SPOCK1: variants seen among roughly 807,000 people sequenced by gnomAD.
The protein encoded by SPOCK1 is testican-1.
In SPOCK1, 23 loss-of-function variants were observed where a neutral mutation model predicts 55.3. The ratio of observed to expected loss-of-function variants is 0.42; its 90% CI spans 0.30 to 0.59. The LOEUF (loss-of-function observed/expected upper bound fraction) is 0.59, where lower values mean the gene tolerates loss of function less well. Ranked by LOEUF, SPOCK1 falls within the 20% of genes least tolerant of loss-of-function variation. The probability of loss-of-function intolerance (pLI) is 0.22; values close to 1 mark genes in which losing one functional copy is unlikely to be tolerated. For missense variants in SPOCK1, 499 were observed against 552.5 expected, an observed-to-expected ratio of 0.90 and a Z score of 0.97; for synonymous variants, 226 against 221.0, an observed-to-expected ratio of 1.02 and a Z score of -0.20.
At chr5:137,131,989 A>AATATATATATATATAT (rs869252723) in intron 4 of SPOCK1, among the ~76,000 whole-genome samples, 1 of 36,056 alleles carries the variant, frequency 2.8e-5, no homozygotes, top group African/African-American at 1.8e-4. Context: ...AAAAAAAAAA[A>AATATATATATATATAT]ATATATATAT....
intron 2 of SPOCK1, among the ~76,000 whole-genome samples, chr5:137,472,430 T>C (rs1260534228): frequency 1.3e-5 from 2 of 152,110 alleles, no homozygotes; most frequent in Non-Finnish European, 2.9e-5. Flanking sequence ...CACATGTTTT[T>C]CCTATCAGGA....
chr5:136,999,146 A>G (rs1343619747), intron 6 of SPOCK1, among the ~76,000 whole-genome samples: 1 of 152,176 alleles, frequency 6.6e-6, no homozygotes, highest in Non-Finnish European at 1.5e-5. Flanking sequence ...CAGCATGAGG[A>G]ACGCAGCTGA....
rs575293587 is a variant in SPOCK1, at chr5:137,239,843, A to G, written c.232+27167T>C. Among the ~76,000 whole-genome samples, 4 of 152,346 alleles carry G rather than the reference A, an allele frequency of 2.6e-5. No individual in the cohort carries two copies. In the South Asian group the frequency reaches 6.2e-4, roughly 24 times the overall value. On this transcript the variant is annotated intron_variant, in intron 3 of 10. Transcript: ENST00000394945. ...CTAGGAAAAGCCTAAAAAGGTATAA[A>G]AATGGTAAGAAGCACTTAAATCTAG...
intron 5 of SPOCK1, among the ~76,000 whole-genome samples, chr5:137,111,939 G>T (rs1228511465): frequency 1.3e-5 from 2 of 151,920 alleles, no homozygotes; most frequent in Non-Finnish European, 2.9e-5. Context: ...AATCCCTGAG[G>T]CACCCCCAGA....
intron 2 of SPOCK1, among the ~76,000 whole-genome samples, chr5:137,327,999 A>T (rs1758108421): frequency 6.6e-6 from 1 of 152,214 alleles, no homozygotes; most frequent in Non-Finnish European, 1.5e-5. Flanking sequence ...TCCATGGTCC[A>T]CGCCCACCTG....
chr5:137,224,756 C>A (rs116540286), intron 3 of SPOCK1, among the ~76,000 whole-genome samples: 2,496 of 152,216 alleles, frequency 0.016, 77 homozygotes, highest in African/African-American at 0.056. Flanking sequence ...AGAAGAAACT[C>A]CCCAGGGAGA....
At chr5:137,374,599 C>T (rs558865778) in intron 2 of SPOCK1, among the ~76,000 whole-genome samples, 229 of 152,248 alleles carry the variant, frequency 1.5e-3, no homozygotes, top group African/African-American at 5.0e-3. Flanking sequence ...GCCATGAATC[C>T]ATGGCTTTCT....
intron 6 of SPOCK1, among the ~76,000 whole-genome samples, chr5:136,996,100 G>A (rs1341108935): frequency 6.6e-6 from 1 of 152,222 alleles, no homozygotes; most frequent in African/African-American, 2.4e-5. Flanking sequence ...GGTGATGGGA[G>A]AAAAGTGCCT....
intron 5 of SPOCK1, among the ~76,000 whole-genome samples, chr5:137,077,659 G>A (rs1580738792): frequency 6.6e-6 from 1 of 152,226 alleles, no homozygotes; most frequent in East Asian, 1.9e-4. Context: ...GAGGCATAAA[G>A]GCCTGCAGCT....
At chr5:137,150,697 T>C (rs1456851958) in intron 3 of SPOCK1, among the ~76,000 whole-genome samples, 4 of 152,014 alleles carry the variant, frequency 2.6e-5, no homozygotes, top group Non-Finnish European at 5.9e-5. Context: ...GTGTGGTGTA[T>C]AAGGTTGGGG....
chr5:137,422,192 A>G (rs1752513958), intron 2 of SPOCK1, among the ~76,000 whole-genome samples: 1 of 151,672 alleles, frequency 6.6e-6, no homozygotes, highest in Non-Finnish European at 1.5e-5. Context: ...GGGTAACCCA[A>G]CCTTTGTCTC....
At chr5:136,984,963 C>G (rs955403434) in intron 9 of SPOCK1, among the ~76,000 whole-genome samples, 177 bp downstream of exon 9, 38 of 152,232 alleles carry the variant, frequency 2.5e-4, no homozygotes, top group Non-Finnish European at 1.5e-4. Context: ...CAGTTTTCAA[C>G]CAGCCAGTCC....
intron 3 of SPOCK1, among the ~76,000 whole-genome samples, chr5:137,146,393 G>A (rs1482134057): frequency 6.6e-6 from 1 of 152,176 alleles, no homozygotes; most frequent in Non-Finnish European, 1.5e-5. Context: ...CAGGCCAGAG[G>A]CCACTCGATT....
chr5:137,459,451 C>CCT (rs1753433785), intron 2 of SPOCK1, among the ~76,000 whole-genome samples: 1 of 145,716 alleles, frequency 6.9e-6, no homozygotes, highest in Admixed American at 6.8e-5. Context: ...TAATGAAAGG[C>CCT]TTTTTTTTTT....
intron 6 of SPOCK1, among the ~76,000 whole-genome samples, chr5:137,059,333 G>T (rs1389015429): frequency 6.6e-6 from 1 of 152,148 alleles, no homozygotes; most frequent in African/African-American, 2.4e-5. Flanking sequence ...AAAAGGCAGG[G>T]TGCAAAACAT....
chr5:137,287,320 G>T (rs979524775), intron 2 of SPOCK1, among the ~76,000 whole-genome samples: 1 of 152,146 alleles, frequency 6.6e-6, no homozygotes, highest in Non-Finnish European at 1.5e-5. Flanking sequence ...GTCATAACTT[G>T]CAGGAGGCAA....
At chr5:137,074,127 C>A (rs141381724) in intron 5 of SPOCK1, among the ~76,000 whole-genome samples, 3 of 152,134 alleles carry the variant, frequency 2.0e-5, no homozygotes, top group African/African-American at 7.2e-5. Context: ...TAAAAGCAAA[C>A]CAAACAAACC....
At chr5:137,457,689 G>A (rs973169892) in intron 2 of SPOCK1, among the ~76,000 whole-genome samples, 25 of 152,174 alleles carry the variant, frequency 1.6e-4, no homozygotes, top group Admixed American at 1.5e-3. Context: ...GCCAAATAGC[G>A]TGAAAGACAT....
chr5:137,081,249 C>T (rs1752873381), intron 5 of SPOCK1, among the ~76,000 whole-genome samples: 1 of 152,214 alleles, frequency 6.6e-6, no homozygotes, highest in South Asian at 2.1e-4. Flanking sequence ...CATAAAAACA[C>T]CTCTCCTCGC....
Sources: gnomAD v4.1 joint callset for allele counts (sites outside exome capture counted in the v4.1 genomes callset) on GRCh38, gnomAD v4.1.1 for gene constraint, MANE v1.5 for transcripts, NCBI Gene and HGNC (gene_info 2026-07-23, HGNC 2026-07-21) for gene names.